Variants in BRD4 observed in about 807,000 individuals in gnomAD.
The protein encoded by BRD4 is bromodomain-containing protein 4.
BRD4 carries 16 observed loss-of-function variants against 142.1 expected under a neutral mutation model. The ratio of observed to expected loss-of-function variants is 0.11; its 90% CI spans 0.08 to 0.17. The LOEUF (loss-of-function observed/expected upper bound fraction) is 0.17. Among genes scored for constraint, BRD4 ranks in the 10% least tolerant of loss-of-function variants. BRD4 has a pLI of 1.00. For missense variants in BRD4, 1,424 were observed against 1,810.9 expected, an observed-to-expected ratio of 0.79 and a Z score of 3.88; for synonymous variants, 833 against 707.5, an observed-to-expected ratio of 1.18 and a Z score of -2.82.
At chr19:15,244,210 C>A in intron 13 of BRD4, 21 bp downstream of exon 13, 1 of 1,545,010 alleles carries the variant, frequency 6.5e-7, no homozygotes, top group East Asian at 2.4e-5. Context: ...TCAACCCACA[C>A]TGGGGCAGGC....
chr19:15,262,424 T>C (rs929913523), intron 7 of BRD4, among the ~76,000 whole-genome samples: 2 of 148,646 alleles, frequency 1.3e-5, no homozygotes, highest in African/African-American at 5.0e-5. Context: ...AAAAAGAAGA[T>C]GAGTCTCTAA....
rs369998665 is a variant in BRD4, at chr19:15,239,028, G to C, written c.3782+31C>G. On this transcript the variant is annotated intron_variant, in intron 18 of 19. Coordinates refer to ENST00000679869, the MANE Select transcript of BRD4 (RefSeq NM_001379291.1). The surrounding 1 kb of genome is among the most constrained non-coding windows in gnomAD (Gnocchi z 7.4). The stretch of plus-strand genomic sequence containing the variant: ...CCTGGGGACTGGTGTGGCCCCAAGA[G>C]TCCCCATGCCCCACCCAGACACCCG... The C allele has an allele frequency of 6.3e-7, 1 of 1,579,106 alleles. No homozygotes were observed. Among genetic ancestry groups the C allele is most frequent in the African/African-American group, 1.3e-5 (1 of 74,512 alleles).
At chr19:15,318,505 G>A (rs1276923319) in intron 1 of BRD4, among the ~76,000 whole-genome samples, 5 of 152,152 alleles carry the variant, frequency 3.3e-5, no homozygotes, top group Admixed American at 6.5e-5. Context: ...ATCCCTAAAC[G>A]TAAGCATGTC....
intron 1 of BRD4, among the ~76,000 whole-genome samples, chr19:15,289,665 CAA>C (rs34191233): frequency 1.7e-5 from 2 of 115,546 alleles, no homozygotes; most frequent in Non-Finnish European, 1.9e-5. Context: ...GGTTTTGATC[CAA>C]AAAAAAAAAG....
chr19:15,239,617 CG>C lies in BRD4; in HGVS notation c.3445+41del, dbSNP rs747867996. 3 of 1,557,816 alleles carry C rather than the reference CG, an allele frequency of 1.9e-6. No individual in the cohort carries two copies. Among genetic ancestry groups the C allele is most frequent in the East Asian group, 2.2e-5 (1 of 44,530 alleles). ...GCAAGCTTATGTCCAACACGGGCCT[CG>C]GGGGGCCTGAGCCCTGGCTGTGGGC... On this transcript the variant is annotated intron_variant, in intron 16 of 19. Coordinates refer to ENST00000679869, the MANE Select transcript of BRD4 (RefSeq NM_001379291.1). The surrounding 1 kb of genome is among the most constrained non-coding windows in gnomAD (Gnocchi z 7.4).
In BRD4 at chr19:15,265,479, C is replaced by T. The variant is rs374092522; in HGVS notation, c.724G>A (p.Val242Met). The change falls in exon 5 of 20, where the codon GTG becomes ATG. Residue 242 changes from valine (V) to methionine (M), a missense_variant. Coordinates refer to ENST00000679869, the MANE Select transcript of BRD4 (RefSeq NM_001379291.1). ...LIVQTPVMTVVPPQPLQTPPP... is the reference protein window; with the variant it reads ...LIVQTPVMTVMPPQPLQTPPP... The stretch of plus-strand genomic sequence containing the variant: ...GGCGTCTGCAGTGGCTGGGGAGGCA[C>T]CACTGTCATGACAGGGGTCTGGACG... 5 of 1,606,648 alleles carry T rather than the reference C, an allele frequency of 3.1e-6. No individual in the cohort carries two copies. In the African/African-American group the frequency reaches 4.0e-5, roughly 13 times the overall value.
At chr19:15,245,668 C>A (rs2047279605) in intron 11 of BRD4, among the ~76,000 whole-genome samples, 1 of 152,210 alleles carries the variant, frequency 6.6e-6, no homozygotes, top group South Asian at 2.1e-4. Context: ...CCTCACCAAA[C>A]ATGGATGGTG....
At chr19:15,296,548 C>T (rs1317852537) in intron 1 of BRD4, among the ~76,000 whole-genome samples, 6 of 152,198 alleles carry the variant, frequency 3.9e-5, no homozygotes, top group African/African-American at 1.4e-4. Flanking sequence ...CAGAGGCTAG[C>T]ACATGATGTC....
At chr19:15,329,938 T>G (rs2048142418) in intron 1 of BRD4, among the ~76,000 whole-genome samples, 1 of 152,148 alleles carries the variant, frequency 6.6e-6, no homozygotes, top group African/African-American at 2.4e-5. Context: ...TTTAAACAAT[T>G]CAATAATTTA....
chr19:15,249,268 C>G (rs764464909), intron 11 of BRD4: 1 of 1,613,926 alleles, frequency 6.2e-7, no homozygotes, highest in Non-Finnish European at 8.5e-7. Flanking sequence ...ATTAAGAGTC[C>G]GTGTCCAATG....
At chr19:15,320,339 C>T (rs902432446) in intron 1 of BRD4, among the ~76,000 whole-genome samples, 6 of 152,044 alleles carry the variant, frequency 3.9e-5, no homozygotes, top group Admixed American at 2.0e-4. Context: ...CAGCAGACTA[C>T]GAGAACTTGA....
chr19:15,309,040 A>AC (rs1280819489), intron 1 of BRD4, among the ~76,000 whole-genome samples: 8 of 150,244 alleles, frequency 5.3e-5, no homozygotes, highest in African/African-American at 2.0e-4. Context: ...AAACAAACAA[A>AC]AATAAAAACT....
intron 1 of BRD4, among the ~76,000 whole-genome samples, chr19:15,312,910 T>C (rs951320380): frequency 6.6e-6 from 1 of 152,144 alleles, no homozygotes; most frequent in African/African-American, 2.4e-5. Context: ...CACTCCAGCC[T>C]GGGTGACAGA....
At chr19:15,256,726 G>T (rs1262103180) in intron 8 of BRD4, among the ~76,000 whole-genome samples, 1 of 152,106 alleles carries the variant, frequency 6.6e-6, no homozygotes, top group Non-Finnish European at 1.5e-5. Flanking sequence ...CCTCCTCTCT[G>T]CCCAGAAAAT....
At chr19:15,309,683 TAGTGTCATTTCTA>T (rs1256343869) in intron 1 of BRD4, among the ~76,000 whole-genome samples, 1 of 152,154 alleles carries the variant, frequency 6.6e-6, no homozygotes, top group Non-Finnish European at 1.5e-5. Context: ...GATGAACGGA[TAGTGTCATTTCTA>T]AGGATACAAC....
intron 2 of BRD4, among the ~76,000 whole-genome samples, chr19:15,269,526 C>T (rs1299991320): frequency 2.0e-5 from 3 of 152,178 alleles, no homozygotes; most frequent in Admixed American, 6.5e-5. Context: ...GACCCTGGCA[C>T]TCCTGCCTCC....
At chr19:15,245,570 CCT>C (rs566346073) in intron 11 of BRD4, among the ~76,000 whole-genome samples, 28 of 152,222 alleles carry the variant, frequency 1.8e-4, no homozygotes, top group South Asian at 4.2e-4. Flanking sequence ...TGTGTCTGCC[CCT>C]GAGAGGTGTA....
chr19:15,268,705 C>T (rs982691610), intron 3 of BRD4, among the ~76,000 whole-genome samples, 200 bp downstream of exon 3: 4 of 152,072 alleles, frequency 2.6e-5, no homozygotes, highest in African/African-American at 9.7e-5. Context: ...GGCCAGCACC[C>T]TCCTCCCAGC....
intron 1 of BRD4, among the ~76,000 whole-genome samples, chr19:15,295,063 G>T (rs1445827048): frequency 6.6e-6 from 1 of 152,140 alleles, no homozygotes. Flanking sequence ...TCCATAAAAG[G>T]GGGCAACAGC....
Sources: gnomAD v4.1 joint callset for allele counts (sites outside exome capture counted in the v4.1 genomes callset) on GRCh38, gnomAD v4.1.1 for gene constraint, Gnocchi (gnomAD v3.1) non-coding constraint, MANE v1.5 for transcripts, NCBI Gene and HGNC (gene_info 2026-07-23, HGNC 2026-07-21) for gene names.